Variants in CFAP47 observed in about 807,000 individuals in gnomAD.
CFAP47 encodes cilia and flagella associated protein 47, also known as cilia- and flagella-associated protein 47.
CFAP47 carries 29 observed loss-of-function variants against 148.1 expected under a neutral mutation model. That is an observed-to-expected ratio of 0.20 (90% CI 0.15 to 0.27). The LOEUF is 0.27. Among genes scored for constraint, CFAP47 ranks in the 10% least tolerant of loss-of-function variants. CFAP47 has a pLI of 1.00. For missense variants in CFAP47, 1,872 were observed against 1,697.5 expected, an observed-to-expected ratio of 1.10 and a Z score of -1.81; for synonymous variants, 664 against 577.3, an observed-to-expected ratio of 1.15 and a Z score of -2.15.
rs1569201335 is a variant in CFAP47 at position 35,924,131 on chromosome X, GTATATGTGTA to G, written c.250-1885_250-1876del. Among the ~76,000 whole-genome samples, 331 of 99,499 alleles carry G rather than the reference GTATATGTGTA, an allele frequency of 3.3e-3. 21 individuals carry two copies. Among genetic ancestry groups the G allele is most frequent in the African/African-American group, 0.012 (313 of 25,087 alleles). The allele number at this position is 99,499 out of a possible 115,157, so 86.4% of individuals were successfully genotyped here. Reference sequence around the variant, plus strand: ...TATGTACATGTATGCGTACATATATGTATATGTGTACATGTATGCGTACATATATGTATAT... The same window carrying G: ...TATGTACATGTATGCGTACATATATGCATGTATGCGTACATATATGTATAT... On this transcript the variant is annotated intron_variant, in intron 1 of 63. Coordinates refer to ENST00000378653, the MANE Select transcript of CFAP47 (RefSeq NM_001304548.2).
At chrX:35,996,856 T>C (rs1314219185) in intron 18 of CFAP47, among the ~76,000 whole-genome samples, 1 of 111,655 alleles carries the variant, frequency 9.0e-6, no homozygotes, top group Non-Finnish European at 1.9e-5. Context: ...AGGATTTCAC[T>C]GTACTTGACC....
intron 57 of CFAP47, among the ~76,000 whole-genome samples, chrX:36,334,690 T>C (rs1266296191): frequency 9.0e-6 from 1 of 110,607 alleles, no homozygotes; most frequent in Non-Finnish European, 1.9e-5. Flanking sequence ...TTATATGATC[T>C]CTGTGTTGCC....
At chrX:36,071,802 G>C in intron 27 of CFAP47, 23 bp from the exon 28 acceptor site, 2 of 1,190,788 alleles carry the variant, frequency 1.7e-6, no homozygotes, top group East Asian at 6.0e-5. Context: ...TTTGCTTACT[G>C]TGATCCAATG....
chrX:35,946,995 T>C (rs1028893292), intron 3 of CFAP47, among the ~76,000 whole-genome samples: 37 of 111,707 alleles, frequency 3.3e-4, no homozygotes, highest in Non-Finnish European at 7.0e-4. Flanking sequence ...AGAATCTTTG[T>C]ACCCTCCTTC....
intron 59 of CFAP47, among the ~76,000 whole-genome samples, chrX:36,350,690 T>TA (rs1166479247): frequency 9.7e-6 from 1 of 102,729 alleles, no homozygotes; most frequent in African/African-American, 3.6e-5. Flanking sequence ...TATTATTTAT[T>TA]TATTTTTTTT....
intron 50 of CFAP47, among the ~76,000 whole-genome samples, chrX:36,281,244 C>A (rs1426290919): frequency 7.1e-5 from 8 of 112,028 alleles, no homozygotes; most frequent in Admixed American, 9.5e-5. Context: ...CTTGTGGAGA[C>A]ATTTTAAATG....
In CFAP47 at chrX:35,926,277, C is replaced by G. The variant is rs369444385; in HGVS notation, c.401+109C>G. On this transcript the variant is annotated intron_variant, in intron 2 of 63. Transcript: ENST00000378653. ...CTGACATAGTTTCCTGACAGTTGAA[C>G]TTAAAGGACACATTTTTAGAAAATA... The G allele has an allele frequency of 2.0e-5, 11 of 538,255 alleles. No individual in the cohort carries two copies. In the African/African-American group the frequency reaches 2.4e-4, roughly 12 times the overall value. The allele number at this position is 538,255 out of a possible 1,213,427, so 44.4% of individuals were successfully genotyped here.
intron 46 of CFAP47, among the ~76,000 whole-genome samples, chrX:36,234,233 C>G (rs1423459020): frequency 9.0e-6 from 1 of 110,510 alleles, no homozygotes; most frequent in Non-Finnish European, 1.9e-5. Flanking sequence ...TCCATTCTCC[C>G]CGTCACTTTC....
intron 21 of CFAP47, among the ~76,000 whole-genome samples, chrX:36,003,303 C>A (rs896558273): frequency 2.8e-5 from 3 of 107,970 alleles, no homozygotes; most frequent in African/African-American, 1.0e-4. Context: ...AGATATAATT[C>A]TTTTTATATA....
chrX:36,366,868 A>G, intron 61 of CFAP47, 98 bp from the exon 62 acceptor site: 1 of 440,359 alleles, frequency 2.3e-6, no homozygotes, highest in Admixed American at 5.3e-5. Context: ...CTGAAACCAC[A>G]GAGTTTACTT....
intron 50 of CFAP47, among the ~76,000 whole-genome samples, chrX:36,281,951 G>A (rs1231062924): frequency 9.0e-6 from 1 of 110,960 alleles, no homozygotes; most frequent in Non-Finnish European, 1.9e-5. Context: ...GACTAGCATT[G>A]GATGACTGTC....
chrX:36,275,918 G>A (rs782369099), intron 49 of CFAP47, among the ~76,000 whole-genome samples: 41 of 110,686 alleles, frequency 3.7e-4, no homozygotes, highest in African/African-American at 1.2e-3. Flanking sequence ...GACAGTTTTC[G>A]TAGATTATGT....
rs1284026724 is a variant in CFAP47 at position 35,919,989 on chromosome X, G to T, written c.190G>T (p.Val64Leu). The T allele has an allele frequency of 8.3e-7, 1 of 1,206,437 alleles. No individual in the cohort carries two copies. The highest frequency in any genetic ancestry group is 3.0e-5 in the East Asian group (1 of 33,678). ...GAGGGTGTACCGCCTCCCGATTACTGTGCATAATATTTGCCGCTGGAACCA... is the reference window on the plus strand; with the variant it reads ...GAGGGTGTACCGCCTCCCGATTACTTTGCATAATATTTGCCGCTGGAACCA... ...AGRVYRLPIT[V>L]HNICRWNQKI... The change falls in exon 1 of 64, where the codon GTG becomes TTG. Residue 64 changes from valine to leucine, a missense_variant. By Grantham distance (32) the Val-to-Leu change is conservative (BLOSUM62 1). Transcript: ENST00000378653.
chrX:36,122,703 T>C (rs1220222539), intron 33 of CFAP47, among the ~76,000 whole-genome samples: 2 of 111,813 alleles, frequency 1.8e-5, no homozygotes, highest in African/African-American at 6.5e-5. Context: ...GAATTCCTTC[T>C]CCATATTATC....
chrX:35,971,003 C>CT, intron 11 of CFAP47, 80 bp downstream of exon 11: 1 of 789,490 alleles, frequency 1.3e-6, no homozygotes, highest in Non-Finnish European at 1.8e-6. Context: ...TCCTTGGTTT[C>CT]TTTTTATTTT....
intron 29 of CFAP47, among the ~76,000 whole-genome samples, chrX:36,085,045 A>G (rs1938054913): frequency 9.0e-6 from 1 of 111,288 alleles, no homozygotes; most frequent in African/African-American, 3.3e-5. Context: ...GTTTCTCAAG[A>G]TCCAATCTAT....
intron 55 of CFAP47, among the ~76,000 whole-genome samples, chrX:36,310,268 T>C (rs1556009658): frequency 9.0e-6 from 1 of 111,170 alleles, no homozygotes; most frequent in Non-Finnish European, 1.9e-5. Context: ...AATAGCCACA[T>C]TCAATCTCCT....
At chrX:36,172,275 T>A (rs1271678835) in intron 39 of CFAP47, among the ~76,000 whole-genome samples, 17 of 102,606 alleles carry the variant, frequency 1.7e-4, no homozygotes, top group Non-Finnish European at 4.0e-5. Flanking sequence ...GTTTTCCTAA[T>A]TGAATACCCT....
chrX:36,209,960 G>A (rs1940081871), intron 45 of CFAP47, among the ~76,000 whole-genome samples: 1 of 111,566 alleles, frequency 9.0e-6, no homozygotes, highest in East Asian at 2.8e-4. Flanking sequence ...CTATAGAAGT[G>A]CCTATTTTGG....
Sources: gnomAD v4.1 joint callset for allele counts (sites outside exome capture counted in the v4.1 genomes callset) on GRCh38, gnomAD v4.1.1 for gene constraint, MANE v1.5 for transcripts, NCBI Gene and HGNC (gene_info 2026-07-23, HGNC 2026-07-21) for gene names.